Variants in CERS5 observed in about 807,000 individuals in gnomAD.
The protein encoded by CERS5 is LAG1 homolog, ceramide synthase 5.
In CERS5, 37 loss-of-function variants were observed where a neutral mutation model predicts 58.9. The ratio of observed to expected loss-of-function variants is 0.63; its 90% CI spans 0.48 to 0.83. The LOEUF is 0.83. Among genes scored for constraint, CERS5 ranks in the 40% least tolerant of loss-of-function variants. The pLI, the probability that CERS5 is intolerant of heterozygous loss-of-function variation, is 0.00. For missense variants in CERS5, 398 were observed against 489.3 expected (o/e 0.81, Z 1.76); for synonymous variants, 147 against 177.8 (o/e 0.83, Z 1.38).
Position 50,130,513 on chromosome 12 carries a change from C to A in CERS5, c.*32G>T. The A allele has an allele frequency of 6.5e-7, 1 of 1,536,256 alleles. No individual in the cohort carries two copies. Among genetic ancestry groups the A allele is most frequent in the African/African-American group, 1.4e-5 (1 of 73,654 alleles). On this transcript the variant is annotated 3_prime_UTR_variant, in exon 10 of 10. Coordinates refer to ENST00000317551, the MANE Select transcript of CERS5 (RefSeq NM_147190.5). ...GTATGTTGCCAGTGGCCCTACAAGT[C>A]CATGTGTGCTGAAGTCCCTATAGCA...
At chr12:50,135,565 C>T (rs778069175) in intron 8 of CERS5, 167 bp downstream of exon 8, 19 of 723,090 alleles carry the variant, frequency 2.6e-5, no homozygotes, top group African/African-American at 2.2e-4. Flanking sequence ...TGAGAGTCCA[C>T]AGAAGGTCAG....
rs770343700 is a variant in CERS5, at chr12:50,129,452, A to G, written c.*1093T>C. 1.3e-5 allele frequency: 2 copies of G among 151,974 alleles called. No individual in the cohort carries two copies. Among genetic ancestry groups the G allele is most frequent in the Non-Finnish European group, 2.9e-5 (2 of 68,000 alleles). 9.4% of individuals were successfully genotyped at this position (151,974 alleles called of 1,614,324 possible). A position where few individuals can be genotyped will look rare whatever the true frequency, so the allele number is the denominator to read the frequency against. On this transcript the variant is annotated 3_prime_UTR_variant, in exon 10 of 10. Coordinates refer to ENST00000317551, the MANE Select transcript of CERS5 (RefSeq NM_147190.5). ...GCATATTCATTCATATTTCACAACA[A>G]TATTAGTCTATTCAATATAGCAAGT...
At chr12:50,159,057 C>T (rs1266155977) in intron 1 of CERS5, among the ~76,000 whole-genome samples, 3 of 152,072 alleles carry the variant, frequency 2.0e-5, no homozygotes, top group Non-Finnish European at 2.9e-5. Flanking sequence ...CGCGGTGGCT[C>T]ACACCTGTAA....
intron 9 of CERS5, chr12:50,134,256 A>G (rs1951504351): frequency 2.0e-6 from 1 of 492,150 alleles, no homozygotes; most frequent in East Asian, 5.3e-5. Flanking sequence ...GTGCACACCT[A>G]TAGTCCCAGC....
intron 1 of CERS5, chr12:50,144,735 T>C: frequency 7.8e-7 from 1 of 1,281,648 alleles, no homozygotes; most frequent in Non-Finnish European, 1.1e-6. Flanking sequence ...TCAGATCTAC[T>C]AATAAGGCAT....
At chr12:50,142,030 G>A (rs764060486) in intron 4 of CERS5, 23 bp downstream of exon 4, 1 of 1,433,008 alleles carries the variant, frequency 7.0e-7, no homozygotes, top group African/African-American at 1.4e-5. Flanking sequence ...CCCAACAGAG[G>A]ACTAGAGAAA....
chr12:50,167,047 G>A lies in CERS5; in HGVS notation c.197+54C>T, dbSNP rs1205191617. On this transcript the variant is annotated intron_variant, in intron 1 of 9. Coordinates refer to ENST00000317551, the MANE Select transcript of CERS5 (RefSeq NM_147190.5). Reference sequence around the variant, plus strand: ...TCCGGCCCTCGGCCCTTCCCACAGCGGGGCGCCCCCGGCCCGCGCCCGGCC... The same window carrying A: ...TCCGGCCCTCGGCCCTTCCCACAGCAGGGCGCCCCCGGCCCGCGCCCGGCC... 4 of 1,360,846 alleles carry A rather than the reference G, an allele frequency of 2.9e-6. No homozygotes were observed. In the African/African-American group the frequency reaches 4.6e-5, roughly 16 times the overall value. 84.3% of individuals were successfully genotyped at this position (1,360,846 alleles called of 1,614,324 possible).
chr12:50,143,634 G>A (rs1337664741), intron 2 of CERS5: 4 of 298,616 alleles, frequency 1.3e-5, no homozygotes, highest in South Asian at 5.9e-5. Flanking sequence ...TCTCCATCTC[G>A]ATCACACAAC....
At chr12:50,141,939 C>CA (rs35739493) in intron 4 of CERS5, 114 bp downstream of exon 4, 113,009 of 400,792 alleles carry the variant, frequency 0.28, 5,862 homozygotes, top group African/African-American at 0.4. Context: ...GACTCCGTCT[C>CA]AAAAAAAAAA....
At chr12:50,141,273 A>T (rs1324682977) in intron 4 of CERS5, among the ~76,000 whole-genome samples, 2 of 152,032 alleles carry the variant, frequency 1.3e-5, no homozygotes, top group African/African-American at 4.8e-5. Context: ...GTTGGTCTTG[A>T]ACTCCTGGGT....
chr12:50,130,761 C>T (rs1951273881), intron 9 of CERS5, 67 bp from the exon 10 acceptor site: 2 of 1,442,608 alleles, frequency 1.4e-6, no homozygotes, highest in Non-Finnish European at 9.4e-7. Context: ...GCTCAGAGAC[C>T]CAGGTGTGGG....
Position 50,135,724 on chromosome 12 carries a change from C to T in CERS5, c.872+8G>A. 1.3e-6 allele frequency: 2 copies of T among 1,587,812 alleles called. No individual in the cohort carries two copies. Among genetic ancestry groups the T allele is most frequent in the Non-Finnish European group, 1.7e-6 (2 of 1,156,070 alleles). On this transcript the variant is annotated splice_region_variant and intron_variant, in intron 8 of 9. Transcript: ENST00000317551. ...TACCTACCACAACTCTACAGCCCTA[C>T]CACTTACCAGAATGGATAGATTCCT...
At chr12:50,145,546 C>A (rs1952221355) in intron 1 of CERS5, among the ~76,000 whole-genome samples, 1 of 152,090 alleles carries the variant, frequency 6.6e-6, no homozygotes. Flanking sequence ...GAATAAGAAA[C>A]TTTATCTCCC....
At chr12:50,155,617 G>C (rs1315831751) in intron 1 of CERS5, among the ~76,000 whole-genome samples, 1 of 151,316 alleles carries the variant, frequency 6.6e-6, no homozygotes, top group Non-Finnish European at 1.5e-5. Flanking sequence ...GGCGCCTGTA[G>C]TCACAGCTAC....
intron 1 of CERS5, among the ~76,000 whole-genome samples, chr12:50,159,596 T>A (rs577781531): frequency 3.3e-4 from 50 of 152,198 alleles, no homozygotes; most frequent in Non-Finnish European, 7.2e-4. Flanking sequence ...TAATTTAAAA[T>A]TTTCTTTTCT....
chr12:50,139,692 C>T (rs1951863539), intron 4 of CERS5, among the ~76,000 whole-genome samples: 2 of 152,020 alleles, frequency 1.3e-5, no homozygotes, highest in Non-Finnish European at 2.9e-5. Flanking sequence ...ACTAGGAAGG[C>T]TGAGGCAGGA....
chr12:50,144,979 C>CAA, intron 1 of CERS5: 1 of 307,064 alleles, frequency 3.3e-6, no homozygotes. Context: ...ACTAAAAATA[C>CAA]AAAAAAAAAT....
Position 50,130,524 on chromosome 12 carries a change from G to A in CERS5, c.*21C>T, listed in dbSNP as rs1210255293. Reference sequence around the variant, plus strand: ...GTGGCCCTACAAGTCCATGTGTGCTGAAGTCCCTATAGCAACCACCTTACT... The same window carrying A: ...GTGGCCCTACAAGTCCATGTGTGCTAAAGTCCCTATAGCAACCACCTTACT... On this transcript the variant is annotated 3_prime_UTR_variant, in exon 10 of 10. Transcript: ENST00000317551. 6.4e-7 allele frequency: 1 copy of A among 1,568,958 alleles called. No individual in the cohort carries two copies. Among genetic ancestry groups the A allele is most frequent in the African/African-American group, 1.3e-5 (1 of 74,212 alleles).
At chr12:50,164,744 G>T (rs1939679257) in intron 1 of CERS5, among the ~76,000 whole-genome samples, 1 of 152,086 alleles carries the variant, frequency 6.6e-6, no homozygotes, top group African/African-American at 2.4e-5. Context: ...ATCCCTTCCA[G>T]CAGCTCTGCC....
Sources: gnomAD v4.1 joint callset for allele counts (sites outside exome capture counted in the v4.1 genomes callset) on GRCh38, gnomAD v4.1.1 for gene constraint, MANE v1.5 for transcripts, NCBI Gene and HGNC (gene_info 2026-07-23, HGNC 2026-07-21) for gene names.